ABCA4: variants seen among roughly 807,000 people sequenced by gnomAD.
ABCA4 encodes retinal-specific phospholipid-transporting ATPase ABCA4.
A neutral mutation model predicts 263.7 loss-of-function variants in ABCA4; 196 were observed. The ratio of observed to expected loss-of-function variants is 0.74; its 90% CI spans 0.66 to 0.84. ABCA4 has a LOEUF of 0.84. Among genes scored for constraint, ABCA4 ranks in the 40% least tolerant of loss-of-function variants. The pLI is 0.00. For synonymous variants in ABCA4, 1,133 were observed against 1,094.2 expected, an observed-to-expected ratio of 1.04 and a Z score of -0.70; for missense variants, 2,792 against 2,855.1, an observed-to-expected ratio of 0.98 and a Z score of 0.50.
At chr1:94,050,041 A>G (rs1408540280) in intron 17 of ABCA4, among the ~76,000 whole-genome samples, 1 of 152,164 alleles carries the variant, frequency 6.6e-6, no homozygotes, top group Admixed American at 6.5e-5. Context: ...AGATTTCTCA[A>G]TGCAACAGCC....
At chr1:94,010,215 T>C (rs1477270406) in intron 40 of ABCA4, among the ~76,000 whole-genome samples, 4 of 151,794 alleles carry the variant, frequency 2.6e-5, no homozygotes, top group Admixed American at 1.3e-4. Flanking sequence ...CAGAGGGGAG[T>C]GAGGCAGGGG....
intron 20 of ABCA4, 32 bp downstream of exon 20, chr1:94,044,581 G>A (rs947813471): frequency 6.2e-7 from 1 of 1,614,070 alleles, no homozygotes; most frequent in African/African-American, 1.3e-5. Flanking sequence ...GAGGAGAGGG[G>A]ATGGGGCGGT....
intron 30 of ABCA4, among the ~76,000 whole-genome samples, chr1:94,028,836 G>A (rs1227194066): frequency 2.1e-5 from 3 of 141,372 alleles, no homozygotes; most frequent in Non-Finnish European, 4.5e-5. Context: ...GAACCTGGGA[G>A]GCAGAGGTTG....
chr1:94,023,493 C>T, intron 31 of ABCA4, 75 bp from the exon 32 acceptor site: 1 of 1,293,622 alleles, frequency 7.7e-7, no homozygotes, highest in Non-Finnish European at 1.1e-6. Context: ...CCCAAACATT[C>T]ATTTTGAAGA....
intron 11 of ABCA4, among the ~76,000 whole-genome samples, chr1:94,074,351 T>C (rs1661482980): frequency 6.6e-6 from 1 of 152,150 alleles, no homozygotes; most frequent in Admixed American, 6.5e-5. Flanking sequence ...TTACACCTTA[T>C]ACAAAAATTA....
intron 4 of ABCA4, among the ~76,000 whole-genome samples, chr1:94,104,983 ACACACATG>A (rs1264121813): frequency 1.3e-5 from 2 of 152,122 alleles, no homozygotes; most frequent in Non-Finnish European, 2.9e-5. Context: ...ACACATGCAC[ACACACATG>A]CACACATGCG....
chr1:94,043,192 C>T, intron 21 of ABCA4, 144 bp downstream of exon 21: 1 of 1,205,650 alleles, frequency 8.3e-7, no homozygotes, highest in Non-Finnish European at 1.2e-6. Flanking sequence ...GATCTGGGGG[C>T]TGCTCTTAGA....
At chr1:94,100,594 C>T (rs1045109196) in intron 5 of ABCA4, among the ~76,000 whole-genome samples, 1 of 152,186 alleles carries the variant, frequency 6.6e-6, no homozygotes, top group Non-Finnish European at 1.5e-5. Flanking sequence ...AACATCTGAG[C>T]TGGGCCTTGA....
At chr1:94,120,944 A>C in intron 1 of ABCA4, 36 bp downstream of exon 1, 1 of 1,292,894 alleles carries the variant, frequency 7.7e-7, no homozygotes, top group South Asian at 1.2e-5. Context: ...TATTTGCTCC[A>C]CACCTCATTT....
chr1:94,011,454 C>T, intron 38 of ABCA4, 69 bp from the exon 39 acceptor site: 2 of 1,608,256 alleles, frequency 1.2e-6, no homozygotes, highest in Non-Finnish European at 1.7e-6. Context: ...GCAGGTGGGG[C>T]CCAGATGCTC....
At chr1:94,001,243 A>G in intron 45 of ABCA4, 138 bp from the exon 46 acceptor site, 1 of 695,206 alleles carries the variant, frequency 1.4e-6, no homozygotes, top group Non-Finnish European at 2.5e-6. Context: ...TGAGCAAGAC[A>G]GGGGTACCCT....
At chr1:94,006,996 TAC>T (rs975076761) in intron 43 of ABCA4, among the ~76,000 whole-genome samples, 11 of 152,220 alleles carry the variant, frequency 7.2e-5, no homozygotes, top group African/African-American at 1.2e-4. Flanking sequence ...CACATTTTAT[TAC>T]AGAGAGCAGC....
At chr1:94,064,837 G>A (rs1190449827) in intron 11 of ABCA4, among the ~76,000 whole-genome samples, 1 of 152,106 alleles carries the variant, frequency 6.6e-6, no homozygotes, top group African/African-American at 2.4e-5. Flanking sequence ...AAGACCAGGG[G>A]AGTTCTGGGC....
At position 94,043,277 on chromosome 1, in the gene ABCA4, T is replaced by C; in HGVS notation, c.3190+59A>G. ...CTCCAAGCCTCCCCTGCCTCCTGGGTGCACTGGGGAGCCATGGATTTGCCA... is the reference window on the plus strand; with the variant it reads ...CTCCAAGCCTCCCCTGCCTCCTGGGCGCACTGGGGAGCCATGGATTTGCCA... On this transcript the variant is annotated intron_variant, in intron 21 of 49. Transcript: ENST00000370225. 3 of 1,611,310 alleles carry C rather than the reference T, an allele frequency of 1.9e-6. No homozygotes were observed. In the South Asian group the frequency reaches 3.3e-5, roughly 18 times the overall value.
intron 4 of ABCA4, among the ~76,000 whole-genome samples, chr1:94,105,681 G>A (rs1382181895): frequency 6.6e-6 from 1 of 152,066 alleles, no homozygotes; most frequent in Non-Finnish European, 1.5e-5. Flanking sequence ...GGAGAATGTA[G>A]GAGGCTCCCG....
intron 6 of ABCA4, among the ~76,000 whole-genome samples, chr1:94,097,139 A>G (rs1365258546): frequency 6.6e-6 from 1 of 152,076 alleles, no homozygotes; most frequent in African/African-American, 2.4e-5. Context: ...ATTGCTTTTT[A>G]TTTTTCCTAC....
At position 94,023,426 on chromosome 1, in the gene ABCA4, C is replaced by T. The variant is rs1238407542; in HGVS notation, c.4635-8G>A. The T allele has an allele frequency of 6.2e-7, 1 of 1,605,734 alleles. No homozygotes were observed. Among genetic ancestry groups the T allele is most frequent in the Non-Finnish European group, 8.5e-7 (1 of 1,172,754 alleles). ...CAGAATTTGCTCTTTAAGCTGAAAG[C>T]CAAAATAAAATAATGCAATGAATAC... On this transcript the variant is annotated splice_polypyrimidine_tract_variant and splice_region_variant and intron_variant, in intron 31 of 49. Transcript: ENST00000370225.
In ABCA4 at chr1:93,993,082, C is replaced by T; in HGVS notation, c.*155G>A. On this transcript the variant is annotated 3_prime_UTR_variant, in exon 50 of 50. Coordinates refer to ENST00000370225, the MANE Select transcript of ABCA4 (RefSeq NM_000350.3). ...CGGTTTCCTTCTGAAAGACCTCTTT[C>T]TGAATTCGCTGCATGCTCCTCGTGT... 1 of 966,722 alleles carries T rather than the reference C, an allele frequency of 1.0e-6. No individual in the cohort carries two copies. The highest frequency in any genetic ancestry group is 2.3e-5 in the Admixed American group (1 of 43,934). 59.9% of individuals were successfully genotyped at this position (966,722 alleles called of 1,614,324 possible).
intron 6 of ABCA4, among the ~76,000 whole-genome samples, chr1:94,094,695 T>A (rs1662074586): frequency 6.6e-6 from 1 of 152,014 alleles, no homozygotes; most frequent in Non-Finnish European, 1.5e-5. Flanking sequence ...CAGATTTGCT[T>A]CTCAGCAAGA....
Sources: allele counts gnomAD v4.1 joint callset (sites outside exome capture counted in the v4.1 genomes callset), GRCh38; gene constraint gnomAD v4.1.1; transcripts MANE v1.5; gene names NCBI Gene and HGNC (gene_info 2026-07-23, HGNC 2026-07-21).